CCSER1: variants seen among roughly 807,000 people sequenced by gnomAD.
CCSER1 encodes the protein serine-rich coiled-coil domain-containing protein 1.
Under a neutral mutation model 82.0 loss-of-function variants are expected in CCSER1, and 41 were observed. That is an observed-to-expected ratio of 0.50 (90% CI 0.39 to 0.65). The LOEUF (loss-of-function observed/expected upper bound fraction) is 0.65. Among genes scored for constraint, CCSER1 ranks in the 30% least tolerant of loss-of-function variants. The pLI is 0.00. For missense variants in CCSER1, 1,119 were observed against 1,064.2 expected, an observed-to-expected ratio of 1.05 and a Z score of -0.72; for synonymous variants, 414 against 383.9, an observed-to-expected ratio of 1.08 and a Z score of -0.92.
At chr4:90,918,338 T>A (rs548119146) in intron 8 of CCSER1, 59 of 434,276 alleles carry the variant, frequency 1.4e-4, no homozygotes, top group South Asian at 9.2e-4. Context: ...GTAATTCAAA[T>A]AGAAATTTGG....
At chr4:90,369,257 G>A (rs1746907698) in intron 3 of CCSER1, among the ~76,000 whole-genome samples, 2 of 129,076 alleles carry the variant, frequency 1.5e-5, no homozygotes, top group South Asian at 5.6e-4. Flanking sequence ...AGATGAGGAT[G>A]AGGAGGAAGA....
At chr4:91,528,623 AT>A (rs1760883609) in intron 10 of CCSER1, among the ~76,000 whole-genome samples, 1 of 152,204 alleles carries the variant, frequency 6.6e-6, no homozygotes, top group Non-Finnish European at 1.5e-5. Context: ...ATGAGCACAT[AT>A]TAGAGACAAT....
At chr4:90,141,478 G>A (rs1485897684) in intron 1 of CCSER1, among the ~76,000 whole-genome samples, 2 of 152,200 alleles carry the variant, frequency 1.3e-5, no homozygotes, top group African/African-American at 2.4e-5. Flanking sequence ...TTTGGTCAGA[G>A]ATATTTTAGC....
chr4:90,647,236 A>G (rs1198549759), intron 6 of CCSER1, among the ~76,000 whole-genome samples: 16 of 152,146 alleles, frequency 1.1e-4, no homozygotes, highest in Admixed American at 1.0e-3. Context: ...CCATGTGCAG[A>G]GTGAGCCAGT....
intron 10 of CCSER1, among the ~76,000 whole-genome samples, chr4:91,142,965 C>CTT (rs34345423): frequency 6.6e-6 from 1 of 151,788 alleles, no homozygotes; most frequent in African/African-American, 2.4e-5. Flanking sequence ...TATTTGAACT[C>CTT]TTTTTTGGTT....
intron 1 of CCSER1, among the ~76,000 whole-genome samples, chr4:90,243,557 T>G (rs1720800696): frequency 6.6e-6 from 1 of 150,570 alleles, no homozygotes; most frequent in Non-Finnish European, 1.5e-5. Context: ...ATGTTTTTAT[T>G]TTTTATTTTG....
At chr4:90,434,108 T>C (rs1758687701) in intron 4 of CCSER1, among the ~76,000 whole-genome samples, 1 of 151,274 alleles carries the variant, frequency 6.6e-6, no homozygotes, top group South Asian at 2.1e-4. Flanking sequence ...TTGAATTTTA[T>C]TTGTCTTTTA....
At chr4:90,707,884 A>G (rs548499212) in intron 6 of CCSER1, among the ~76,000 whole-genome samples, 1 of 152,186 alleles carries the variant, frequency 6.6e-6, no homozygotes, top group East Asian at 1.9e-4. Flanking sequence ...GCATCCTAGC[A>G]CTCTGTAGCA....
At chr4:90,476,163 C>T (rs990836807) in intron 5 of CCSER1, among the ~76,000 whole-genome samples, 1 of 152,116 alleles carries the variant, frequency 6.6e-6, no homozygotes, top group Non-Finnish European at 1.5e-5. Context: ...GATCTGGGCA[C>T]TCAGGATTCT....
chr4:91,037,285 G>C (rs1741530333), intron 9 of CCSER1, among the ~76,000 whole-genome samples: 1 of 148,472 alleles, frequency 6.7e-6, no homozygotes, highest in Non-Finnish European at 1.5e-5. Flanking sequence ...CACACACATA[G>C]ATGCTCCTTA....
chr4:90,556,152 TG>T (rs1439354419), intron 5 of CCSER1, among the ~76,000 whole-genome samples: 1 of 152,154 alleles, frequency 6.6e-6, no homozygotes, highest in Non-Finnish European at 1.5e-5. Context: ...ATTAGGCCCA[TG>T]GATCACCATT....
At chr4:90,733,837 T>C (rs1480389205) in intron 7 of CCSER1, among the ~76,000 whole-genome samples, 1 of 152,096 alleles carries the variant, frequency 6.6e-6, no homozygotes, top group East Asian at 1.9e-4. Context: ...TTTCTGTATA[T>C]GTATAGATTT....
chr4:90,513,453 A>G (rs1441014044), intron 5 of CCSER1, among the ~76,000 whole-genome samples: 1 of 152,204 alleles, frequency 6.6e-6, no homozygotes, highest in Non-Finnish European at 1.5e-5. Context: ...CTGAAATTGC[A>G]GTATTTGCAT....
chr4:90,855,614 T>A (rs1764373690), intron 8 of CCSER1, among the ~76,000 whole-genome samples: 2 of 152,290 alleles, frequency 1.3e-5, no homozygotes, highest in South Asian at 4.1e-4. Flanking sequence ...TTAAAATTAT[T>A]TTTTCACCAG....
chr4:90,234,760 A>G (rs1360769460), intron 1 of CCSER1, among the ~76,000 whole-genome samples: 3 of 152,208 alleles, frequency 2.0e-5, no homozygotes, highest in Non-Finnish European at 2.9e-5. Flanking sequence ...CATCTTATAC[A>G]CAATAAATTT....
chr4:91,098,949 C>A (rs1405940224), intron 10 of CCSER1, among the ~76,000 whole-genome samples: 1 of 152,150 alleles, frequency 6.6e-6, no homozygotes, highest in African/African-American at 2.4e-5. Context: ...TAGCAAAAAT[C>A]ATTAAGCACT....
chr4:90,549,653 T>C (rs998677308), intron 5 of CCSER1, among the ~76,000 whole-genome samples: 1 of 152,110 alleles, frequency 6.6e-6, no homozygotes, highest in Admixed American at 6.6e-5. Context: ...ATTTGGAGCT[T>C]GGTAAGAGAA....
At chr4:90,566,941 G>A (rs1044954081) in intron 5 of CCSER1, among the ~76,000 whole-genome samples, 5 of 150,886 alleles carry the variant, frequency 3.3e-5, no homozygotes, top group African/African-American at 1.2e-4. Context: ...CAATTGTAAC[G>A]TCTCCTTTCA....
In CCSER1 at chr4:90,611,059, C is replaced by CTTTTCTTTTTTTTTTTTTT. The variant is rs1303751301; in HGVS notation, c.1725-16962_1725-16961insCTTTTTTTTTTTTTTTTTT. Among the ~76,000 whole-genome samples the CTTTTCTTTTTTTTTTTTTT allele has an allele frequency of 3.0e-4, 28 of 93,820 alleles. 1 individual carries two copies. Among genetic ancestry groups the CTTTTCTTTTTTTTTTTTTT allele is most frequent in the African/African-American group, 1.6e-3 (28 of 17,974 alleles). The allele number at this position is 93,820 out of a possible 152,430, so 61.5% of individuals were successfully genotyped here. On this transcript the variant is annotated intron_variant, in intron 5 of 10. Coordinates refer to ENST00000509176, the MANE Select transcript of CCSER1 (RefSeq NM_001145065.2). Reference sequence around the variant, plus strand: ...TGCCTGGCTAATTTTCTTTTCTTTTCTTTTTTTTTTTTTTTTTTTTGTAGA... The same window carrying CTTTTCTTTTTTTTTTTTTT: ...TGCCTGGCTAATTTTCTTTTCTTTTCTTTTCTTTTTTTTTTTTTTTTTTTTTTTTTTTTTTTTTTGTAGA...
Sources: allele counts gnomAD v4.1 joint callset (sites outside exome capture counted in the v4.1 genomes callset), GRCh38; gene constraint gnomAD v4.1.1; transcripts MANE v1.5; gene names NCBI Gene and HGNC (gene_info 2026-07-23, HGNC 2026-07-21).